FSTL4: variants seen among roughly 807,000 people sequenced by gnomAD.
The protein encoded by FSTL4 is follistatin-related protein 4.
Under a neutral mutation model 78.2 loss-of-function variants are expected in FSTL4, and 28 were observed. That is an observed-to-expected ratio of 0.36 (90% confidence interval 0.27 to 0.49). FSTL4 has a LOEUF of 0.49. FSTL4 is among the 20% of genes least tolerant of loss of function. FSTL4 has a pLI of 0.98. For missense variants in FSTL4, 922 were observed against 1,084.9 expected (o/e 0.85, Z 2.11); for synonymous variants, 422 against 440.5 (o/e 0.96, Z 0.53).
rs188747592 is a variant in FSTL4, at chr5:133,352,213, C to T, written c.410-35561G>A. Among the ~76,000 whole-genome samples, 5 of 150,732 alleles carry T rather than the reference C, an allele frequency of 3.3e-5. No individual in the cohort carries two copies. The East Asian group carries it at 5.8e-4, about 18-fold the overall frequency. On this transcript the variant is annotated intron_variant, in intron 4 of 15. Coordinates refer to ENST00000265342, the MANE Select transcript of FSTL4 (RefSeq NM_015082.2). The stretch of plus-strand genomic sequence containing the variant: ...CTCAGTGCCACCCCTCCCCATTAGT[C>T]CCCACGTCTTTTGTTCTCACACACA...
At chr5:133,666,227 C>G in the FSTL4 span, among the ~76,000 whole-genome samples, 3 of 152,276 alleles carry the variant, frequency 2.0e-5, no homozygotes, top group African/African-American at 7.2e-5. Context: ...TGTAAAGAAT[C>G]ATTTCAGTGA....
chr5:133,265,511 T>C (rs1581580315), intron 6 of FSTL4, among the ~76,000 whole-genome samples: 2 of 152,304 alleles, frequency 1.3e-5, no homozygotes, highest in African/African-American at 2.4e-5. Context: ...TAAGGATGCC[T>C]GTCTGGGGCC....
chr5:133,333,355 G>A (rs912660010), intron 4 of FSTL4, among the ~76,000 whole-genome samples: 2 of 152,178 alleles, frequency 1.3e-5, no homozygotes, highest in African/African-American at 4.8e-5. Flanking sequence ...GTCCTTTTGT[G>A]CCCCACATTC....
chr5:133,307,783 C>CTT (rs61206159), intron 6 of FSTL4, among the ~76,000 whole-genome samples: 1,531 of 137,162 alleles, frequency 0.011, 16 homozygotes, highest in Middle Eastern at 0.016. Context: ...TCCCAATTTT[C>CTT]TTTTTTTTTT....
chr5:133,571,892 G>A (rs945469038), intron 2 of FSTL4, among the ~76,000 whole-genome samples: 41 of 152,274 alleles, frequency 2.7e-4, no homozygotes, highest in African/African-American at 7.5e-4. Flanking sequence ...GAAAAAGTAT[G>A]AGACACTGTA....
the FSTL4 span, among the ~76,000 whole-genome samples, chr5:133,726,549 G>A: frequency 2.0e-5 from 3 of 152,174 alleles, no homozygotes; most frequent in South Asian, 2.1e-4. Context: ...CCCCATGAGC[G>A]AGCCAGGAGA....
the FSTL4 span, among the ~76,000 whole-genome samples, chr5:133,655,729 G>T: frequency 1.3e-5 from 2 of 152,176 alleles, no homozygotes; most frequent in Non-Finnish European, 2.9e-5. Flanking sequence ...CAAGGTAAGG[G>T]AAGAGAGAGG....
At position 133,250,980 on chromosome 5, in the gene FSTL4, AC is replaced by A. The variant is rs542247354; in HGVS notation, c.728-1405del. On this transcript the variant is annotated intron_variant, in intron 6 of 15. Transcript: ENST00000265342. ...ATCACACACAGGAAAAATGTGACTA[AC>A]GGTGAAGGAACCCTCAAGGAAAGAT... Among the ~76,000 whole-genome samples, 1,406 of 152,342 alleles carry A rather than the reference AC, an allele frequency of 9.2e-3. 7 individuals are homozygous for A. Among genetic ancestry groups the A allele is most frequent in the Non-Finnish European group, 0.016 (1,078 of 68,022 alleles).
chr5:133,310,495 G>A (rs1020194913), intron 6 of FSTL4, among the ~76,000 whole-genome samples: 10 of 152,178 alleles, frequency 6.6e-5, no homozygotes, highest in Non-Finnish European at 1.5e-5. Context: ...CAATAGGGAT[G>A]CTTCCATTTC....
chr5:133,624,557 G>T, the FSTL4 span, among the ~76,000 whole-genome samples: 1 of 151,688 alleles, frequency 6.6e-6, no homozygotes, highest in African/African-American at 2.4e-5. Flanking sequence ...TCACTGATTT[G>T]TTCATTTTAA....
At chr5:133,469,665 G>A (rs939327823) in intron 3 of FSTL4, among the ~76,000 whole-genome samples, 1 of 152,196 alleles carries the variant, frequency 6.6e-6, no homozygotes, top group Non-Finnish European at 1.5e-5. Flanking sequence ...TTCGCCTGCT[G>A]AGACTCAATT....
At chr5:133,659,811 A>G in the FSTL4 span, among the ~76,000 whole-genome samples, 1 of 150,952 alleles carries the variant, frequency 6.6e-6, no homozygotes, top group Non-Finnish European at 1.5e-5. Flanking sequence ...TTTCCCCCCT[A>G]TCAATTTCTT....
At chr5:133,407,594 A>T (rs1756391182) in intron 3 of FSTL4, among the ~76,000 whole-genome samples, 1 of 152,260 alleles carries the variant, frequency 6.6e-6, no homozygotes, top group Admixed American at 6.5e-5. Flanking sequence ...AATTGACTTC[A>T]AAGTCAGAAA....
chr5:133,803,072 CAGAT>C, the FSTL4 span, among the ~76,000 whole-genome samples: 2 of 152,138 alleles, frequency 1.3e-5, no homozygotes, highest in Non-Finnish European at 2.9e-5. Context: ...AACAAACAAT[CAGAT>C]AGAGCAGAAC....
In FSTL4 at chr5:133,229,460, C is replaced by A. The variant is rs143627928; in HGVS notation, c.1016-3641G>T. On this transcript the variant is annotated intron_variant, in intron 8 of 15. Transcript: ENST00000265342. Reference sequence around the variant, plus strand: ...ATTGCTTGAGCCTGGAAAGTTGAGGCTGCAGTGAGCCTAGATCATGCTATT... The same window carrying A: ...ATTGCTTGAGCCTGGAAAGTTGAGGATGCAGTGAGCCTAGATCATGCTATT... Among the ~76,000 whole-genome samples the A allele has an allele frequency of 5.3e-5, 8 of 152,024 alleles. No homozygotes were observed. The East Asian group carries it at 1.6e-3, about 29-fold the overall frequency.
At chr5:133,629,620 G>C in the FSTL4 span, among the ~76,000 whole-genome samples, 3 of 152,196 alleles carry the variant, frequency 2.0e-5, no homozygotes, top group African/African-American at 7.2e-5. Context: ...AATAGAAATA[G>C]AGGGACTCTT....
chr5:133,647,539 G>A, the FSTL4 span, among the ~76,000 whole-genome samples: 3 of 152,138 alleles, frequency 2.0e-5, no homozygotes, highest in African/African-American at 7.2e-5. Context: ...CCCTTTCTGG[G>A]GAAGTCATCT....
the FSTL4 span, among the ~76,000 whole-genome samples, chr5:133,682,919 T>C: frequency 4.4e-4 from 67 of 152,238 alleles, no homozygotes; most frequent in Admixed American, 4.4e-3. Context: ...AAGGCTTGTG[T>C]ACAGTTACCC....
chr5:133,677,316 T>C, the FSTL4 span, among the ~76,000 whole-genome samples: 1 of 152,202 alleles, frequency 6.6e-6, no homozygotes, highest in Non-Finnish European at 1.5e-5. Flanking sequence ...TTAGCTGGAT[T>C]CCATGGGATC....
Sources: allele counts gnomAD v4.1 joint callset (sites outside exome capture counted in the v4.1 genomes callset), GRCh38; gene constraint gnomAD v4.1.1; transcripts MANE v1.5; gene names NCBI Gene and HGNC (gene_info 2026-07-23, HGNC 2026-07-21).